The following MIER1 variants were observed in gnomAD, a reference collection of about 807,000 sequenced individuals.
The protein encoded by MIER1 is mesoderm induction early response protein 1.
A neutral mutation model predicts 75.7 loss-of-function variants in MIER1; 40 were observed. The ratio of observed to expected loss-of-function variants is 0.53; its 90% CI spans 0.41 to 0.69. The LOEUF is 0.69. MIER1 is among the 30% of genes least tolerant of loss of function. The pLI is 0.00. For missense variants in MIER1, 574 were observed against 680.2 expected (o/e 0.84, Z 1.74); for synonymous variants, 213 against 223.4 (o/e 0.95, Z 0.42).
intron 8 of MIER1, among the ~76,000 whole-genome samples, chr1:66,964,343 G>C (rs1661902192): frequency 6.6e-6 from 1 of 151,876 alleles, no homozygotes; most frequent in Admixed American, 6.6e-5. Flanking sequence ...ATAGTGCTGG[G>C]ATTACAGGTG....
At chr1:66,960,265 TA>T (rs1410824178) in intron 7 of MIER1, among the ~76,000 whole-genome samples, 1 of 152,198 alleles carries the variant, frequency 6.6e-6, no homozygotes, top group Non-Finnish European at 1.5e-5. Context: ...TGTATTACTT[TA>T]TAAAAGAAAA....
At chr1:66,947,796 T>C (rs1472228434) in intron 4 of MIER1, 3 of 356,526 alleles carry the variant, frequency 8.4e-6, no homozygotes, top group East Asian at 1.7e-4. Context: ...CTCTTACCCA[T>C]GTATCACACT....
chr1:66,946,501 C>T, intron 4 of MIER1: 2 of 1,264,076 alleles, frequency 1.6e-6, no homozygotes, highest in Non-Finnish European at 2.0e-6. Flanking sequence ...TAACAGAATT[C>T]ACATAGTTAC....
intron 3 of MIER1, among the ~76,000 whole-genome samples, chr1:66,943,069 AT>A (rs1404247777): frequency 6.6e-6 from 1 of 152,148 alleles, no homozygotes. Context: ...TGGTGTGGGG[AT>A]TTTTTAGGGT....
rs1663445828 is a variant in MIER1, at chr1:66,970,810, T to C, written c.775T>C (p.Tyr259His). Reference protein sequence around the residue: ...ICRYKENEKVYENDDQLLWDP... With the variant: ...ICRYKENEKVHENDDQLLWDP... Reference sequence around the variant, plus strand: ...AACATTGTCTTTTACTAATTTAGTATATGAAAATGATGATCAGCTCCTGTG... The same window carrying C: ...AACATTGTCTTTTACTAATTTAGTACATGAAAATGATGATCAGCTCCTGTG... The change falls in exon 9 of 14, where the codon TAT becomes CAT. Residue 259 changes from tyrosine (Y) to histidine (H), a missense_variant and splice_region_variant. Physicochemically the swap from Tyr to His is moderately conservative, Grantham distance 83. This residue lies in a region of MIER1 where 309 missense variants were observed against 352.8 expected (regional missense o/e 0.88). Transcript: ENST00000401041. 1 of 1,547,414 alleles carries C rather than the reference T, an allele frequency of 6.5e-7. No homozygotes were observed. The highest frequency in any genetic ancestry group is 2.3e-5 in the East Asian group (1 of 42,846).
intron 8 of MIER1, among the ~76,000 whole-genome samples, chr1:66,970,374 T>TA (rs1663354350): frequency 6.6e-6 from 1 of 152,222 alleles, no homozygotes; most frequent in Non-Finnish European, 1.5e-5. Flanking sequence ...AAATAATAGT[T>TA]ACAGTTACAA....
intron 4 of MIER1, among the ~76,000 whole-genome samples, chr1:66,953,106 C>T (rs1034357913): frequency 2.6e-5 from 4 of 152,152 alleles, no homozygotes; most frequent in African/African-American, 4.8e-5. Flanking sequence ...TCCAAATCTA[C>T]GGCCAGGGAA....
chr1:66,956,278 A>G (rs1660114184), intron 4 of MIER1, among the ~76,000 whole-genome samples: 2 of 152,074 alleles, frequency 1.3e-5, no homozygotes, highest in South Asian at 2.1e-4. Flanking sequence ...AAAATTAGCC[A>G]GGCATGGTGG....
rs1277026174 is a variant in MIER1 at position 66,988,093 on chromosome 1, T to TATA, written c.*3197_*3199dup. The TATA allele has an allele frequency of 7.4e-6, 1 of 136,024 alleles. No homozygotes were observed. Among genetic ancestry groups the TATA allele is most frequent in the Non-Finnish European group, 1.7e-5 (1 of 60,110 alleles). 8.4% of individuals were successfully genotyped at this position (136,024 alleles called of 1,614,324 possible). ...CTTGGAATAACTGAGGGCTGGTGAA[T>TATA]ATAATAGGCAATATTTACATGGGGT... On this transcript the variant is annotated 3_prime_UTR_variant, in exon 14 of 14. Coordinates refer to ENST00000401041, the MANE Select transcript of MIER1 (RefSeq NM_001077700.3).
chr1:66,981,540 T>C (rs576573925), intron 12 of MIER1, among the ~76,000 whole-genome samples: 1 of 152,314 alleles, frequency 6.6e-6, no homozygotes, highest in African/African-American at 2.4e-5. Flanking sequence ...AGCTTTAAAA[T>C]TTCCTATGGG....
rs549041505 is a variant in MIER1, at chr1:66,957,111, ATATGT to A, written c.340-946_340-942del. Among the ~76,000 whole-genome samples, 557 of 152,308 alleles carry A rather than the reference ATATGT, an allele frequency of 3.7e-3. 3 individuals are homozygous for A. The highest frequency in any genetic ancestry group is 5.2e-3 in the Non-Finnish European group (356 of 68,016). On this transcript the variant is annotated intron_variant, in intron 4 of 13. Transcript: ENST00000401041. ...GTATGTGGGTGTGCATGAGTGTATAATATGTTCACATGATTTGGATTAAATTTTCT... is the reference window on the plus strand; with the variant it reads ...GTATGTGGGTGTGCATGAGTGTATAATCACATGATTTGGATTAAATTTTCT...
At chr1:66,979,547 C>T (rs1361539457) in intron 12 of MIER1, among the ~76,000 whole-genome samples, 3 of 152,078 alleles carry the variant, frequency 2.0e-5, no homozygotes, top group Non-Finnish European at 4.4e-5. Flanking sequence ...ATAATTTTTC[C>T]AAAAACTAAA....
chr1:66,959,574 T>G (rs577617192), intron 6 of MIER1, 105 bp from the exon 7 acceptor site: 4 of 577,898 alleles, frequency 6.9e-6, no homozygotes, highest in Non-Finnish European at 9.1e-6. Context: ...ATTCATTAGA[T>G]ATCTTTGAGC....
In MIER1 at chr1:66,987,349, T is replaced by G. The variant is rs1329720616; in HGVS notation, c.*2449T>G. 1.3e-5 allele frequency: 2 copies of G among 152,676 alleles called. No individual in the cohort carries two copies. The highest frequency in any genetic ancestry group is 2.9e-5 in the Non-Finnish European group (2 of 67,962). The allele number at this position is 152,676 out of a possible 1,614,324, so 9.5% of individuals were successfully genotyped here. A position where few individuals can be genotyped will look rare whatever the true frequency, so the allele number is the denominator to read the frequency against. The stretch of plus-strand genomic sequence containing the variant: ...CTTTTGAACTTTTGACAAATTGCAT[T>G]GGAAAAAGAAGTCTGTTAATAGTGA... On this transcript the variant is annotated 3_prime_UTR_variant, in exon 14 of 14. Transcript: ENST00000401041.
At chr1:66,982,062 CAT>C (rs1197275874) in intron 13 of MIER1, 144 bp downstream of exon 13, 1 of 749,146 alleles carries the variant, frequency 1.3e-6, no homozygotes, top group Non-Finnish European at 2.2e-6. Flanking sequence ...ATAACATCAG[CAT>C]ACATATATAC....
At chr1:66,935,982 G>A (rs1239915880) in intron 2 of MIER1, among the ~76,000 whole-genome samples, 1 of 151,874 alleles carries the variant, frequency 6.6e-6, no homozygotes, top group Non-Finnish European at 1.5e-5. Context: ...ACAACTTTGT[G>A]GTAGTGAATG....
At chr1:66,933,278 T>C (rs1367526767) in intron 2 of MIER1, among the ~76,000 whole-genome samples, 2 of 152,180 alleles carry the variant, frequency 1.3e-5, no homozygotes, top group Non-Finnish European at 2.9e-5. Context: ...AGGAATGTAC[T>C]AGGGACCTTT....
Position 66,976,600 on chromosome 1 carries a change from A to T in MIER1, c.1107A>T (p.Arg369=), listed in dbSNP as rs1664779124. The part of the protein sequence containing the change: ...DFHLIQANKV[R]TRSVGECVAF... ...CAAGCATTTGTTTCTTACAGGTCCG[A>T]ACAAGGTCAGTTGGTGAATGTGTAG... Residue 369 remains arginine (R), a synonymous_variant, in exon 12 of 14, where the codon CGA becomes CGT. Transcript: ENST00000401041. 2 of 1,586,792 alleles carry T rather than the reference A, an allele frequency of 1.3e-6. No individual in the cohort carries two copies. Among genetic ancestry groups the T allele is most frequent in the Admixed American group, 1.8e-5 (1 of 54,176 alleles).
chr1:66,943,118 G>A (rs908774327), intron 3 of MIER1, among the ~76,000 whole-genome samples: 9 of 152,114 alleles, frequency 5.9e-5, no homozygotes, highest in Non-Finnish European at 1.2e-4. Flanking sequence ...AGCATTATTT[G>A]TAGGGATACA....
Sources: allele counts gnomAD v4.1 joint callset (sites outside exome capture counted in the v4.1 genomes callset), GRCh38; gene constraint gnomAD v4.1.1; regional missense constraint gnomAD v4.1.1; transcripts MANE v1.5; gene names NCBI Gene and HGNC (gene_info 2026-07-23, HGNC 2026-07-21).